The following TET3 variants were observed in gnomAD, a reference collection of about 807,000 sequenced individuals.
The protein encoded by TET3 is methylcytosine dioxygenase TET3.
A neutral mutation model predicts 141.4 loss-of-function variants in TET3; 19 were observed. That is an observed-to-expected ratio of 0.13 (90% CI 0.09 to 0.20). The LOEUF is 0.20. TET3 is among the 10% of genes least tolerant of loss of function. TET3 has a pLI of 1.00. For synonymous variants in TET3, 1,043 were observed against 980.9 expected, an observed-to-expected ratio of 1.06 and a Z score of -1.18; for missense variants, 1,874 against 2,356.9, an observed-to-expected ratio of 0.80 and a Z score of 4.24.
At chr2:74,079,174 C>CCA (rs1689670403) in intron 5 of TET3, among the ~76,000 whole-genome samples, 1 of 152,180 alleles carries the variant, frequency 6.6e-6, no homozygotes, top group Non-Finnish European at 1.5e-5. Context: ...TGGTGAAACC[C>CCA]TGTCCTTACT....
At chr2:74,135,485 GTA>G in the TET3 span, 12 of 1,496,328 alleles carry the variant, frequency 8.0e-6, no homozygotes, top group Admixed American at 3.3e-5. Context: ...ATATGGAAAT[GTA>G]TATGAGCAAA....
chr2:74,019,165 G>A (rs1339801555), intron 3 of TET3, among the ~76,000 whole-genome samples: 2 of 152,248 alleles, frequency 1.3e-5, no homozygotes, highest in Non-Finnish European at 2.9e-5. Flanking sequence ...GCAGATGTGG[G>A]AGGATCGCTG....
rs1691285985 is a variant in TET3, at chr2:74,102,492, G to A, written c.*316G>A. The A allele has an allele frequency of 4.9e-6, 1 of 205,038 alleles. No homozygotes were observed. The allele number at this position is 205,038 out of a possible 1,614,324, so 12.7% of individuals were successfully genotyped here. On this transcript the variant is annotated 3_prime_UTR_variant, in exon 12 of 12. Coordinates refer to ENST00000409262, the MANE Select transcript of TET3 (RefSeq NM_001287491.2). The stretch of plus-strand genomic sequence containing the variant: ...GGGTTTTTATTTTTATTTTCTCTTT[G>A]TTTTTAAAACTCTATCCTTGTATAT...
chr2:74,049,880 C>T (rs901036807), intron 4 of TET3, among the ~76,000 whole-genome samples: 6 of 152,120 alleles, frequency 3.9e-5, no homozygotes, highest in Non-Finnish European at 7.4e-5. Flanking sequence ...ACTCAAGAGA[C>T]ATGCTCCTAG....
intron 4 of TET3, among the ~76,000 whole-genome samples, chr2:74,053,805 GTTT>G (rs1371432505): frequency 6.6e-6 from 1 of 152,172 alleles, no homozygotes; most frequent in Non-Finnish European, 1.5e-5. Flanking sequence ...GTTTTCTACA[GTTT>G]TTATTTCTAT....
intron 3 of TET3, among the ~76,000 whole-genome samples, chr2:74,044,094 C>T (rs1279735585): frequency 6.6e-6 from 1 of 152,088 alleles, no homozygotes; most frequent in Non-Finnish European, 1.5e-5. Context: ...CGCTTGAGTC[C>T]AGGAGTTCAA....
chr2:74,129,842 C>T, the TET3 span, among the ~76,000 whole-genome samples: 4 of 151,942 alleles, frequency 2.6e-5, no homozygotes, highest in African/African-American at 9.7e-5. Context: ...GCCTATAATC[C>T]CAGCACTTTG....
chr2:74,127,511 G>C, the TET3 span, among the ~76,000 whole-genome samples: 1 of 152,102 alleles, frequency 6.6e-6, no homozygotes, highest in Non-Finnish European at 1.5e-5. Context: ...ACCAGCTTTA[G>C]GCATTTAACC....
At chr2:74,109,054 A>T (rs1469182097), downstream of TET3, among the ~76,000 whole-genome samples, 3 of 152,190 alleles carry the variant, frequency 2.0e-5, no homozygotes, top group Non-Finnish European at 4.4e-5. Context: ...ATGTTTTACA[A>T]AAGTGGGGTC....
intron 3 of TET3, among the ~76,000 whole-genome samples, chr2:74,035,865 C>G (rs1349505291): frequency 2.6e-5 from 4 of 151,646 alleles, no homozygotes; most frequent in African/African-American, 9.7e-5. Context: ...AATAAATAAG[C>G]AAGCAAGCTG....
chr2:74,033,528 A>G (rs1273243870), intron 3 of TET3, among the ~76,000 whole-genome samples: 2 of 152,178 alleles, frequency 1.3e-5, no homozygotes, highest in African/African-American at 2.4e-5. Context: ...GTGTACATCT[A>G]CTGATTAAAT....
chr2:73,994,634 CTTTCTTTT>C (rs1368645792), intron 2 of TET3, among the ~76,000 whole-genome samples: 1 of 106,376 alleles, frequency 9.4e-6, no homozygotes, highest in Non-Finnish European at 1.8e-5. Flanking sequence ...TTCTTTCTTT[CTTTCTTTT>C]TTTTTTTTTT....
At chr2:73,984,804 C>T (rs1197948356), upstream of TET3, among the ~76,000 whole-genome samples, 1 of 148,648 alleles carries the variant, frequency 6.7e-6, no homozygotes, top group Non-Finnish European at 1.5e-5. The surrounding 1 kb of genome is among the most constrained non-coding windows in gnomAD (Gnocchi z 5.6). Flanking sequence ...TCTCGCCCGG[C>T]CCGGGGCCCG....
intron 3 of TET3, among the ~76,000 whole-genome samples, chr2:74,029,878 G>A (rs1207845796): frequency 6.6e-6 from 1 of 152,186 alleles, no homozygotes; most frequent in African/African-American, 2.4e-5. Context: ...TGGAGATAAA[G>A]TCACTGTTAA....
At chr2:73,999,934 A>G (rs1050441080) in intron 2 of TET3, among the ~76,000 whole-genome samples, 5 of 151,558 alleles carry the variant, frequency 3.3e-5, no homozygotes, top group Admixed American at 3.3e-4. Context: ...TGCCTGGGGG[A>G]CTATGGGCTC....
At chr2:74,109,592 CCACT>C (rs374157079), downstream of TET3, among the ~76,000 whole-genome samples, 186 of 152,260 alleles carry the variant, frequency 1.2e-3, 1 homozygote, top group African/African-American at 4.1e-3. Context: ...CATGTAAATC[CCACT>C]CAGTCTATTT....
At chr2:74,007,262 A>T (rs1685198486) in intron 3 of TET3, among the ~76,000 whole-genome samples, 1 of 152,314 alleles carries the variant, frequency 6.6e-6, no homozygotes, top group Non-Finnish European at 1.5e-5. Context: ...CTCACCCCAG[A>T]TGCACCCAGC....
intron 6 of TET3, among the ~76,000 whole-genome samples, chr2:74,086,695 G>A (rs1189622522): frequency 1.3e-5 from 2 of 151,120 alleles, no homozygotes; most frequent in South Asian, 2.1e-4. Context: ...GAAGGCTGAA[G>A]TGGGAGGATC....
intron 5 of TET3, chr2:74,073,842 T>C (rs1051904622): frequency 2.1e-6 from 1 of 466,908 alleles, no homozygotes; most frequent in Non-Finnish European, 3.8e-6. Context: ...GCCCAATTCA[T>C]GTCCCCCTGC....
Sources: gnomAD v4.1 joint callset for allele counts (sites outside exome capture counted in the v4.1 genomes callset) on GRCh38, gnomAD v4.1.1 for gene constraint, Gnocchi (gnomAD v3.1) non-coding constraint, MANE v1.5 for transcripts, NCBI Gene and HGNC (gene_info 2026-07-23, HGNC 2026-07-21) for gene names.